The following CADM2 variants were observed in gnomAD, a reference collection of about 807,000 sequenced individuals.
CADM2 encodes the protein immunoglobulin superfamily member 4D.
CADM2 carries 12 observed loss-of-function variants against 49.8 expected under a neutral mutation model. The ratio of observed to expected loss-of-function variants is 0.24; its 90% confidence interval spans 0.15 to 0.39. The LOEUF is 0.39. Ranked by LOEUF, CADM2 falls within the 10% of genes least tolerant of loss-of-function variation. The probability of loss-of-function intolerance (pLI) is 1.00; values close to 1 mark genes in which losing one functional copy is unlikely to be tolerated. For missense variants in CADM2, 378 were observed against 492.3 expected (o/e 0.77, Z 2.20); for synonymous variants, 214 against 175.4 (o/e 1.22, Z -1.74).
At chr3:85,171,713 G>A (rs967691340) in intron 1 of CADM2, among the ~76,000 whole-genome samples, 3 of 152,098 alleles carry the variant, frequency 2.0e-5, no homozygotes, top group Admixed American at 6.5e-5. Flanking sequence ...AAATAATTTT[G>A]TATGTACAGT....
intron 1 of CADM2, among the ~76,000 whole-genome samples, chr3:85,419,458 GAA>G (rs11350830): frequency 7.4e-4 from 107 of 144,122 alleles, no homozygotes; most frequent in Admixed American, 2.7e-3. Flanking sequence ...ACTCCGTCTC[GAA>G]AAAAAAAAAA....
chr3:85,322,630 A>C, intron 1 of CADM2, among the ~76,000 whole-genome samples: 1 of 152,226 alleles, frequency 6.6e-6, no homozygotes, highest in East Asian at 1.9e-4. Flanking sequence ...GGAGAAAAAT[A>C]GTAAATTGAT....
intron 1 of CADM2, among the ~76,000 whole-genome samples, chr3:85,253,426 C>A (rs1176787316): frequency 6.6e-6 from 1 of 151,928 alleles, no homozygotes; most frequent in Non-Finnish European, 1.5e-5. Flanking sequence ...ATTATCTAGT[C>A]CCCTGGAAAT....
rs574204686 is a variant in CADM2, at chr3:84,961,481, C to T, written c.61+1813C>T. Among the ~76,000 whole-genome samples the T allele has an allele frequency of 3.9e-5, 6 of 152,284 alleles. No homozygotes were observed. The South Asian group carries it at 1.2e-3, about 32-fold the overall frequency. ...GTACACCGCCGAGTCCCATTTCTCA[C>T]CTTTCACACCCCCATCCTCACACAA... On this transcript the variant is annotated intron_variant, in intron 1 of 9. Coordinates refer to ENST00000383699, the MANE Select transcript of CADM2 (RefSeq NM_001167675.2).
At chr3:85,048,141 G>T (rs1241210779) in intron 1 of CADM2, among the ~76,000 whole-genome samples, 1 of 151,984 alleles carries the variant, frequency 6.6e-6, no homozygotes, top group East Asian at 1.9e-4. Context: ...GTGCCAAGAC[G>T]ATGTATGGAA....
chr3:85,448,289 C>T (rs997298260), intron 1 of CADM2, among the ~76,000 whole-genome samples: 29 of 145,344 alleles, frequency 2.0e-4, no homozygotes, highest in Non-Finnish European at 4.2e-4. Flanking sequence ...GCCGAGATCG[C>T]GCCACTGCAC....
intron 1 of CADM2, among the ~76,000 whole-genome samples, chr3:85,174,669 A>T (rs541731394): frequency 2.0e-5 from 3 of 152,226 alleles, no homozygotes; most frequent in African/African-American, 7.2e-5. Flanking sequence ...CATAATTAAA[A>T]TTTACTCTTA....
chr3:85,317,158 G>A (rs1576338837), intron 1 of CADM2, among the ~76,000 whole-genome samples: 3 of 151,816 alleles, frequency 2.0e-5, no homozygotes, highest in Non-Finnish European at 4.4e-5. Flanking sequence ...TGGTGGTGAG[G>A]GTGACAAAAA....
rs184984505 is a variant in CADM2, at chr3:85,804,061, A to G, written c.238+1865A>G. 3.3e-5 allele frequency among the ~76,000 whole-genome samples: 5 copies of G among 152,252 alleles called. No individual in the cohort carries two copies. The East Asian group carries it at 9.7e-4, about 29-fold the overall frequency. On this transcript the variant is annotated intron_variant, in intron 3 of 9. Transcript: ENST00000383699. Reference sequence around the variant, plus strand: ...CTAGTTAAAAAAATTAAATGCATACACAAAGTCACTCATAGAGATTAAACA... The same window carrying G: ...CTAGTTAAAAAAATTAAATGCATACGCAAAGTCACTCATAGAGATTAAACA...
chr3:85,009,788 C>T (rs1258244417), intron 1 of CADM2, among the ~76,000 whole-genome samples: 2 of 151,838 alleles, frequency 1.3e-5, no homozygotes, highest in East Asian at 1.9e-4. Flanking sequence ...ATCACTTGAA[C>T]CCCGGAGGTG....
At chr3:85,028,555 C>T (rs1260035126) in intron 1 of CADM2, among the ~76,000 whole-genome samples, 4 of 152,052 alleles carry the variant, frequency 2.6e-5, no homozygotes, top group Non-Finnish European at 5.9e-5. Flanking sequence ...TATCTTATTT[C>T]AAAATTTCTG....
intron 3 of CADM2, among the ~76,000 whole-genome samples, chr3:85,809,658 CCCTTCCTTCCTTCCTTCCTTCCTT>C (rs538027252): frequency 0.031 from 2,144 of 68,944 alleles, 59 homozygotes; most frequent in African/African-American, 0.055. Context: ...AACATTTTCT[CCCTTCCTTCCTTCCTTCCTTCCTT>C]CCTTCCTTCC....
At chr3:86,046,330 A>G (rs1736685160) in intron 8 of CADM2, among the ~76,000 whole-genome samples, 1 of 152,160 alleles carries the variant, frequency 6.6e-6, no homozygotes, top group African/African-American at 2.4e-5. Context: ...TAGTATCTAT[A>G]TATGCCATTT....
chr3:85,950,476 A>G (rs897784087), intron 7 of CADM2, among the ~76,000 whole-genome samples: 2 of 151,202 alleles, frequency 1.3e-5, no homozygotes, highest in Non-Finnish European at 3.0e-5. Flanking sequence ...TTCTAGTGCA[A>G]TGTGACTGCT....
At chr3:85,658,516 A>G (rs1360087752) in intron 1 of CADM2, among the ~76,000 whole-genome samples, 1 of 146,554 alleles carries the variant, frequency 6.8e-6, no homozygotes, top group African/African-American at 2.5e-5. Context: ...CTGTCTATCT[A>G]TCTACCTATC....
At chr3:85,119,169 TG>T (rs1262313559) in intron 1 of CADM2, among the ~76,000 whole-genome samples, 2 of 152,222 alleles carry the variant, frequency 1.3e-5, no homozygotes, top group Admixed American at 1.3e-4. Flanking sequence ...TCCCAACCCT[TG>T]GGAGGCTGAG....
At chr3:85,768,724 T>TATATATACAC (rs59985967) in intron 2 of CADM2, among the ~76,000 whole-genome samples, 1 of 143,252 alleles carries the variant, frequency 7.0e-6, no homozygotes, top group Non-Finnish European at 1.5e-5. Flanking sequence ...ACACATATAG[T>TATATATACAC]ATATATACAC....
At chr3:85,662,577 C>T (rs1258056059) in intron 1 of CADM2, among the ~76,000 whole-genome samples, 1 of 152,014 alleles carries the variant, frequency 6.6e-6, no homozygotes, top group Non-Finnish European at 1.5e-5. Context: ...CACCATTCCT[C>T]CCAGATGGAG....
At chr3:85,743,059 A>G (rs2068461121) in intron 2 of CADM2, among the ~76,000 whole-genome samples, 1 of 152,128 alleles carries the variant, frequency 6.6e-6, no homozygotes, top group Non-Finnish European at 1.5e-5. Context: ...TATGTAAATA[A>G]CAATAATAAA....
Sources: gnomAD v4.1 joint callset for allele counts (sites outside exome capture counted in the v4.1 genomes callset) on GRCh38, gnomAD v4.1.1 for gene constraint, MANE v1.5 for transcripts, NCBI Gene and HGNC (gene_info 2026-07-23, HGNC 2026-07-21) for gene names.